Variants in CLVS1 observed in about 807,000 individuals in gnomAD.
CLVS1 encodes clavesin-1.
CLVS1 carries 10 observed loss-of-function variants against 33.1 expected under a neutral mutation model. The ratio of observed to expected loss-of-function variants is 0.30; its 90% CI spans 0.19 to 0.51. The LOEUF (loss-of-function observed/expected upper bound fraction) is 0.51, where lower values mean the gene tolerates loss of function less well. CLVS1 is among the 20% of genes least tolerant of loss of function. The pLI is 0.97. For missense variants in CLVS1, 343 were observed against 433.4 expected, an observed-to-expected ratio of 0.79 and a Z score of 1.85; for synonymous variants, 163 against 166.1, an observed-to-expected ratio of 0.98 and a Z score of 0.14.
intron 2 of CLVS1, among the ~76,000 whole-genome samples, chr8:61,273,356 C>T (rs886888628): frequency 2.0e-5 from 3 of 152,190 alleles, no homozygotes; most frequent in African/African-American, 7.2e-5. Context: ...GTTCTCAGAT[C>T]TCCAGCTGCG....
chr8:61,481,869 T>C (rs1014948606), intron 5 of CLVS1, among the ~76,000 whole-genome samples: 1 of 151,812 alleles, frequency 6.6e-6, no homozygotes, highest in East Asian at 1.9e-4. Flanking sequence ...CAGCATGGAG[T>C]TGGAGATCTG....
intron 1 of CLVS1, among the ~76,000 whole-genome samples, chr8:61,115,818 A>G (rs1805711155): frequency 6.8e-6 from 1 of 147,352 alleles, no homozygotes; most frequent in Admixed American, 6.8e-5. Flanking sequence ...TATGGTGAAT[A>G]ATGCCGCAAT....
At chr8:61,454,343 C>T (rs1289627606) in intron 4 of CLVS1, 92 bp downstream of exon 4, 2 of 891,672 alleles carry the variant, frequency 2.2e-6, no homozygotes, top group Non-Finnish European at 3.8e-6. Flanking sequence ...CCCCCTTTTT[C>T]TCTCTTTCTC....
At chr8:61,444,230 T>A (rs1016415599) in intron 3 of CLVS1, among the ~76,000 whole-genome samples, 19 of 152,208 alleles carry the variant, frequency 1.2e-4, no homozygotes, top group African/African-American at 4.3e-4. Context: ...TTTCTTTTCT[T>A]GTCTTATTGC....
chr8:61,410,023 G>A (rs1257446897), intron 3 of CLVS1, among the ~76,000 whole-genome samples: 1 of 134,726 alleles, frequency 7.4e-6, no homozygotes, highest in Non-Finnish European at 1.6e-5. Flanking sequence ...AATTGCAAAT[G>A]TTTCTCAATT....
chr8:61,037,610 T>G, the CLVS1 span, among the ~76,000 whole-genome samples: 1 of 152,220 alleles, frequency 6.6e-6, no homozygotes, highest in Non-Finnish European at 1.5e-5. Context: ...ACGTAAGCAC[T>G]TAGGATTTTG....
chr8:61,341,080 G>A (rs1812014061), intron 2 of CLVS1, among the ~76,000 whole-genome samples: 1 of 152,124 alleles, frequency 6.6e-6, no homozygotes, highest in African/African-American at 2.4e-5. Flanking sequence ...AAGTATTGTC[G>A]ATAAAAACAT....
chr8:61,022,996 CT>C, the CLVS1 span, among the ~76,000 whole-genome samples: 3 of 152,296 alleles, frequency 2.0e-5, no homozygotes, highest in African/African-American at 7.2e-5. Flanking sequence ...GAAAATTTTT[CT>C]TTGATCAAGG....
intron 2 of CLVS1, among the ~76,000 whole-genome samples, chr8:61,332,361 C>T (rs527364782): frequency 6.6e-6 from 1 of 152,222 alleles, no homozygotes; most frequent in Non-Finnish European, 1.5e-5. Flanking sequence ...CATGGACTCC[C>T]CTTGTGTTAG....
At chr8:61,479,975 A>G (rs933494572) in intron 5 of CLVS1, among the ~76,000 whole-genome samples, 5 of 152,304 alleles carry the variant, frequency 3.3e-5, no homozygotes, top group African/African-American at 1.2e-4. Flanking sequence ...CGGCCGTGTG[A>G]CGTGTCAGTC....
chr8:61,367,507 CCTT>C lies in CLVS1; in HGVS notation c.456-9094_456-9092del, dbSNP rs369697823. ...AACTCCCCAATCATAAGTGATCTCTCCTTCTTGTAATTCCCAAGCACTTTGCAA... is the reference window on the plus strand; with the variant it reads ...AACTCCCCAATCATAAGTGATCTCTCCTTGTAATTCCCAAGCACTTTGCAA... On this transcript the variant is annotated intron_variant, in intron 2 of 5. Transcript: ENST00000325897. 1.0e-3 allele frequency among the ~76,000 whole-genome samples: 158 copies of C among 152,298 alleles called. 2 individuals carry two copies. Among genetic ancestry groups the C allele is most frequent in the East Asian group, 2.1e-3 (11 of 5,182 alleles).
intron 5 of CLVS1, among the ~76,000 whole-genome samples, chr8:61,483,991 G>C (rs1255181127): frequency 1.3e-5 from 2 of 152,152 alleles, no homozygotes; most frequent in African/African-American, 4.8e-5. Context: ...ATATCATACT[G>C]AATGGACAAG....
chr8:61,217,881 G>A (rs1047404766), intron 2 of CLVS1, among the ~76,000 whole-genome samples: 2 of 152,102 alleles, frequency 1.3e-5, no homozygotes, highest in South Asian at 4.1e-4. Flanking sequence ...CATGCAAATG[G>A]CTAACAAATA....
At chr8:61,057,406 A>T (rs976603528) in intron 1 of CLVS1, among the ~76,000 whole-genome samples, 3 of 129,126 alleles carry the variant, frequency 2.3e-5, no homozygotes, top group Admixed American at 7.8e-5. Flanking sequence ...ACACACACAC[A>T]CACACACCCC....
At chr8:61,023,798 C>G in the CLVS1 span, among the ~76,000 whole-genome samples, 1 of 152,104 alleles carries the variant, frequency 6.6e-6, no homozygotes, top group Non-Finnish European at 1.5e-5. Flanking sequence ...ACATCAGAGA[C>G]AGGACAGAGC....
intron 2 of CLVS1, among the ~76,000 whole-genome samples, chr8:61,352,845 C>T (rs1268302900): frequency 2.0e-5 from 3 of 151,946 alleles, no homozygotes. Context: ...GCATAACATT[C>T]ACATAGCATT....
intron 2 of CLVS1, among the ~76,000 whole-genome samples, chr8:61,235,197 C>T (rs1256205363): frequency 1.3e-5 from 2 of 152,174 alleles, no homozygotes; most frequent in Non-Finnish European, 2.9e-5. Flanking sequence ...AAGGTCAAAA[C>T]ACAAGCATGT....
intron 2 of CLVS1, among the ~76,000 whole-genome samples, chr8:61,319,979 A>G (rs934653011): frequency 6.6e-6 from 1 of 151,958 alleles, no homozygotes; most frequent in African/African-American, 2.4e-5. Flanking sequence ...CAGTGTGTCA[A>G]ATTCTTCTAA....
chr8:61,326,633 T>C (rs1014056436), intron 2 of CLVS1, among the ~76,000 whole-genome samples: 7 of 152,154 alleles, frequency 4.6e-5, no homozygotes, highest in African/African-American at 1.7e-4. Flanking sequence ...CAGAGGAACA[T>C]GTCGCCTGAG....
Sources: gnomAD v4.1 joint callset for allele counts (sites outside exome capture counted in the v4.1 genomes callset) on GRCh38, gnomAD v4.1.1 for gene constraint, MANE v1.5 for transcripts, NCBI Gene and HGNC (gene_info 2026-07-23, HGNC 2026-07-21) for gene names.